The following LRRK1 variants were observed in gnomAD, a reference collection of about 807,000 sequenced individuals.
LRRK1 encodes the protein leucine rich repeat kinase 1, also known as leucine-rich repeat serine/threonine-protein kinase 1.
A neutral mutation model predicts 209.1 loss-of-function variants in LRRK1; 113 were observed. The ratio of observed to expected loss-of-function variants is 0.54; its 90% CI spans 0.46 to 0.63. The LOEUF (loss-of-function observed/expected upper bound fraction) is 0.63. LRRK1 is among the 30% of genes least tolerant of loss of function. LRRK1 has a pLI of 0.00. For synonymous variants in LRRK1, 1,144 were observed against 1,099.7 expected (o/e 1.04, Z -0.80); for missense variants, 2,284 against 2,632.2 (o/e 0.87, Z 2.89).
chr15:101,051,697 C>T lies in LRRK1; in HGVS notation c.3440-14C>T, dbSNP rs780595180. ...CCTTCTTGTGAAGCTGTCTCCTGCTCTGTCCTTATTTAGCCCTGACAGCCA... is the reference window on the plus strand; with the variant it reads ...CCTTCTTGTGAAGCTGTCTCCTGCTTTGTCCTTATTTAGCCCTGACAGCCA... On this transcript the variant is annotated splice_polypyrimidine_tract_variant and intron_variant, in intron 23 of 33. Coordinates refer to ENST00000388948, the MANE Select transcript of LRRK1 (RefSeq NM_024652.6). The T allele has an allele frequency of 3.7e-6, 6 of 1,612,328 alleles. No homozygotes were observed. The African/African-American group carries it at 6.7e-5, about 18-fold the overall frequency.
chr15:101,065,538 A>AGCG lies in LRRK1; in HGVS notation c.5104_5106dup (p.Gly1702dup), dbSNP rs766224589. ...AGTGAAGGCCATGGAGGTGGTCAAC[A>AGCG]GCGGCTCTGAGGTCTGGTACAGCAA... On this transcript the variant is annotated inframe_insertion, in exon 32 of 34. Coordinates refer to ENST00000388948, the MANE Select transcript of LRRK1 (RefSeq NM_024652.6). 6.2e-7 allele frequency: 1 copy of AGCG among 1,614,180 alleles called. No individual in the cohort carries two copies. Among genetic ancestry groups the AGCG allele is most frequent in the South Asian group, 1.1e-5 (1 of 91,090 alleles).
At chr15:101,012,689 C>A (rs570143433) in intron 10 of LRRK1, among the ~76,000 whole-genome samples, 46 of 152,272 alleles carry the variant, frequency 3.0e-4, no homozygotes, top group African/African-American at 1.0e-3. Flanking sequence ...TGCCAGGCCA[C>A]TGCCAGGACC....
At chr15:101,049,380 GGGCCTCACCTGA>G in intron 22 of LRRK1, 1 of 392,870 alleles carries the variant, frequency 2.5e-6, no homozygotes, top group Non-Finnish European at 4.6e-6. Context: ...AACTTCCTTA[GGGCCTCACCTGA>G]GGGTCAGCTC....
intron 2 of LRRK1, among the ~76,000 whole-genome samples, chr15:100,949,410 G>GC (rs1366985878): frequency 6.6e-6 from 1 of 152,100 alleles, no homozygotes. Flanking sequence ...ACAAAGAAAA[G>GC]CCAGGCCCAG....
rs200452795 is a variant in LRRK1, at chr15:101,068,753, G to A, written c.5953G>A (p.Val1985Ile). The change falls in exon 34 of 34, where the codon GTC (valine) becomes ATC (isoleucine). Residue 1985 changes from valine to isoleucine, a missense_variant. Val to Ile is a conservative substitution (Grantham distance 29). Around this residue, in one of 6 missense-constraint regions of LRRK1, gnomAD observed 643 missense variants for 695.9 expected, o/e 0.92. Coordinates refer to ENST00000388948, the MANE Select transcript of LRRK1 (RefSeq NM_024652.6). ...ENENTEWCLA[V>I]WRGWGAREFD... ...TGAAAACACAGAGTGGTGCCTGGCC[G>A]TCTGGAGGGGCTGGGGCGCCAGGGA... 270 of 1,613,976 alleles carry A rather than the reference G, an allele frequency of 1.7e-4. No homozygotes were observed. Among genetic ancestry groups the A allele is most frequent in the African/African-American group, 1.6e-3 (123 of 75,058 alleles).
intron 6 of LRRK1, among the ~76,000 whole-genome samples, chr15:101,005,143 CT>C (rs2032882865): frequency 6.6e-6 from 1 of 152,212 alleles, no homozygotes; most frequent in African/African-American, 2.4e-5. Flanking sequence ...GCCCTTGCCC[CT>C]GAGACCTGGG....
chr15:100,999,857 A>G (rs1335801236), intron 6 of LRRK1, among the ~76,000 whole-genome samples: 1 of 152,208 alleles, frequency 6.6e-6, no homozygotes, highest in Admixed American at 6.5e-5. Context: ...TGTTACAACG[A>G]CTGTTTAGTA....
intron 21 of LRRK1, among the ~76,000 whole-genome samples, chr15:101,046,732 C>A (rs749460735): frequency 3.3e-5 from 5 of 152,190 alleles, no homozygotes; most frequent in Non-Finnish European, 4.4e-5. Context: ...GGCGAGTCCC[C>A]TGTGCAGTCC....
rs1414020012 is a variant in LRRK1 at position 101,049,793 on chromosome 15, G to C, written c.3439+10G>C. On this transcript the variant is annotated intron_variant, in intron 23 of 33. Coordinates refer to ENST00000388948, the MANE Select transcript of LRRK1 (RefSeq NM_024652.6). ...GATCAGTGGTTTCCCGGTAAGAGGAGATGCTAGAAGCAAGCCCTCATTCAT... is the reference window on the plus strand; with the variant it reads ...GATCAGTGGTTTCCCGGTAAGAGGACATGCTAGAAGCAAGCCCTCATTCAT... 6.2e-7 allele frequency: 1 copy of C among 1,610,270 alleles called. No homozygotes were observed. Among genetic ancestry groups the C allele is most frequent in the Non-Finnish European group, 8.5e-7 (1 of 1,178,176 alleles).
intron 13 of LRRK1, 39 bp downstream of exon 13, chr15:101,021,221 G>T: frequency 6.2e-7 from 1 of 1,609,772 alleles, no homozygotes; most frequent in African/African-American, 1.3e-5. Context: ...GGCTCTGCTG[G>T]CCCAGAGAGG....
At chr15:101,047,060 G>A (rs779882798) in intron 21 of LRRK1, among the ~76,000 whole-genome samples, 7 of 152,156 alleles carry the variant, frequency 4.6e-5, no homozygotes, top group Admixed American at 2.0e-4. Flanking sequence ...CAACCCTCCA[G>A]GGGATTCTGA....
At position 101,046,022 on chromosome 15, in the gene LRRK1, A is replaced by T. The variant is rs769865724; in HGVS notation, c.3005A>T (p.Asp1002Val). 1.2e-6 allele frequency: 2 copies of T among 1,614,130 alleles called. No homozygotes were observed. The highest frequency in any genetic ancestry group is 2.2e-5 in the East Asian group (1 of 44,890). ...PHLLPSKPGL[D>V]THGMRHPTAN... is the part of the protein sequence containing the mutation. ...CTCCTTCCATCTAAACCTGGCCTGG[A>T]CACCCACGGTATGCGGCACCCCACA... Residue 1002 changes from aspartate to valine, a missense_variant, in exon 21 of 34, where the codon GAC (aspartate) becomes GTC (valine). Transcript: ENST00000388948.
At position 100,968,581 on chromosome 15, in the gene LRRK1, T is replaced by C. The variant is rs914258085; in HGVS notation, c.98-5223T>C. Reference sequence around the variant, plus strand: ...TAATTTGCATTTCCCTGATGACTAATGACATTGAGCTTTTTGAATATTTTT... The same window carrying C: ...TAATTTGCATTTCCCTGATGACTAACGACATTGAGCTTTTTGAATATTTTT... On this transcript the variant is annotated intron_variant, in intron 2 of 33. Coordinates refer to ENST00000388948, the MANE Select transcript of LRRK1 (RefSeq NM_024652.6). Among the ~76,000 whole-genome samples the C allele has an allele frequency of 4.6e-4, 70 of 152,242 alleles. 2 individuals carry two copies. The highest frequency in any genetic ancestry group is 9.6e-5 in the African/African-American group (4 of 41,468).
At position 100,988,822 on chromosome 15, in the gene LRRK1, C is replaced by T. The variant is rs761934543; in HGVS notation, c.613+9C>T. 6.3e-7 allele frequency: 1 copy of T among 1,585,322 alleles called. No homozygotes were observed. Among genetic ancestry groups the T allele is most frequent in the Non-Finnish European group, 8.6e-7 (1 of 1,161,694 alleles). On this transcript the variant is annotated intron_variant, in intron 5 of 33. Transcript: ENST00000388948. The stretch of plus-strand genomic sequence containing the variant: ...TGCGGCCATCAAGTCAGGTGGGTTT[C>T]CCCACTACCCTGAGTCAACCCTGAC...
At chr15:100,920,424 C>A (rs1386262684) in intron 1 of LRRK1, among the ~76,000 whole-genome samples, 1 of 152,190 alleles carries the variant, frequency 6.6e-6, no homozygotes, top group Admixed American at 6.5e-5. Flanking sequence ...TGATTTGATT[C>A]TCTTCATCTT....
intron 2 of LRRK1, among the ~76,000 whole-genome samples, chr15:100,934,954 A>G (rs55822333): frequency 0.42 from 63,466 of 152,014 alleles, 14,728 homozygotes; most frequent in African/African-American, 0.61. Context: ...AGGTCTGCTC[A>G]GTTGACCAGA....
rs1038535974 is a variant in LRRK1, at chr15:101,027,984, C to G, written c.2686+187C>G. 2.0e-5 allele frequency among the ~76,000 whole-genome samples: 3 copies of G among 152,176 alleles called. No individual in the cohort carries two copies. Among genetic ancestry groups the G allele is most frequent in the African/African-American group, 7.2e-5 (3 of 41,420 alleles). On this transcript the variant is annotated intron_variant, in intron 19 of 33. Coordinates refer to ENST00000388948, the MANE Select transcript of LRRK1 (RefSeq NM_024652.6). The surrounding 1 kb of genome is among the most constrained non-coding windows in gnomAD (Gnocchi z 5.1). ...CCTTGGAGGGAGAGAACACAAACAG[C>G]TACTCTACACCAGCATTGTGTTTGC...
At chr15:101,045,257 G>T (rs2035002017) in intron 20 of LRRK1, among the ~76,000 whole-genome samples, 1 of 152,236 alleles carries the variant, frequency 6.6e-6, no homozygotes, top group Non-Finnish European at 1.5e-5. Flanking sequence ...TTATTGGGAA[G>T]GAGTGCAGCA....
intron 20 of LRRK1, among the ~76,000 whole-genome samples, chr15:101,031,969 C>T (rs879476425): frequency 1.3e-5 from 2 of 152,164 alleles, no homozygotes; most frequent in African/African-American, 2.4e-5. Context: ...CTCCTGACCT[C>T]GTGATCCGCC....
Sources: gnomAD v4.1 joint callset for allele counts (sites outside exome capture counted in the v4.1 genomes callset) on GRCh38, gnomAD v4.1.1 for gene constraint, gnomAD v4.1.1 regional missense constraint, Gnocchi (gnomAD v3.1) non-coding constraint, MANE v1.5 for transcripts, NCBI Gene and HGNC (gene_info 2026-07-23, HGNC 2026-07-21) for gene names.